The following ZFHX3 variants were observed in gnomAD, a reference collection of about 807,000 sequenced individuals.
ZFHX3 encodes zinc finger homeobox 3, also known as zinc finger homeobox protein 3.
A neutral mutation model predicts 279.1 loss-of-function variants in ZFHX3; 42 were observed. The ratio of observed to expected loss-of-function variants is 0.15; its 90% CI spans 0.12 to 0.19. The LOEUF (loss-of-function observed/expected upper bound fraction) is 0.19. Among genes scored for constraint, ZFHX3 ranks in the 10% least tolerant of loss-of-function variants. The pLI is 1.00. For missense variants in ZFHX3, 4,981 were observed against 4,754.0 expected (o/e 1.05, Z -1.40); for synonymous variants, 2,293 against 1,957.8 (o/e 1.17, Z -4.52).
At chr16:73,023,931 C>A (rs917988143) in intron 1 of ZFHX3, among the ~76,000 whole-genome samples, 1 of 152,190 alleles carries the variant, frequency 6.6e-6, no homozygotes, top group African/African-American at 2.4e-5. Flanking sequence ...GCTCCTCCCA[C>A]CCTATCTGTA....
chr16:72,992,373 C>T (rs180865334), intron 1 of ZFHX3, among the ~76,000 whole-genome samples: 1 of 152,192 alleles, frequency 6.6e-6, no homozygotes, highest in South Asian at 2.1e-4. Context: ...TCCCCTCCAA[C>T]AGCTATCACA....
intron 3 of ZFHX3, 94 bp from the exon 4 acceptor site, chr16:72,890,056 A>G: frequency 8.6e-7 from 1 of 1,169,110 alleles, no homozygotes; most frequent in Non-Finnish European, 1.2e-6. Flanking sequence ...AGCCAGAGGC[A>G]TGCCTCCAGG....
chr16:73,354,860 G>T (rs1009807966), intron 3 of ZFHX3, among the ~76,000 whole-genome samples: 1 of 152,170 alleles, frequency 6.6e-6, no homozygotes, highest in Non-Finnish European at 1.5e-5. Context: ...TGGTGAATCG[G>T]TCTTCATTTA....
chr16:73,441,379 C>G (rs891283906), intron 3 of ZFHX3, among the ~76,000 whole-genome samples: 4 of 152,160 alleles, frequency 2.6e-5, no homozygotes, highest in Admixed American at 1.3e-4. Context: ...ACATCCTGAA[C>G]TCCCTGTCAT....
At chr16:73,514,109 A>G (rs1597365745) in intron 2 of ZFHX3, among the ~76,000 whole-genome samples, 1 of 151,992 alleles carries the variant, frequency 6.6e-6, no homozygotes, top group South Asian at 2.1e-4. Context: ...TTAGCTGAAC[A>G]TGGTGGCACG....
At position 73,440,212 on chromosome 16, in the gene ZFHX3, T is replaced by G. The variant is rs1250571679; in HGVS notation, c.-1291+15791A>C. Among the ~76,000 whole-genome samples, 5 of 152,178 alleles carry G rather than the reference T, an allele frequency of 3.3e-5. No homozygotes were observed. In the South Asian group the frequency reaches 1.0e-3, roughly 32 times the overall value. On this transcript the variant is annotated intron_variant, in intron 3 of 17. Transcript: ENST00000641206. ...AGAAAGTCAATAAGACACCTCCAGT[T>G]TCCAAATTCTATCTCATTGCACATA...
At chr16:73,865,579 C>T (rs1004594760) in intron 1 of ZFHX3, among the ~76,000 whole-genome samples, 3 of 152,174 alleles carry the variant, frequency 2.0e-5, no homozygotes, top group African/African-American at 7.2e-5. Context: ...TATTTTCTTC[C>T]TCCCACTCAC....
chr16:72,891,100 G>C (rs1597351572), intron 3 of ZFHX3, among the ~76,000 whole-genome samples: 3 of 152,192 alleles, frequency 2.0e-5, no homozygotes. Flanking sequence ...CCCAAATTAG[G>C]TTTTCACCTA....
chr16:73,465,318 C>A (rs779397930), intron 2 of ZFHX3, among the ~76,000 whole-genome samples: 1 of 152,212 alleles, frequency 6.6e-6, no homozygotes, highest in Non-Finnish European at 1.5e-5. Context: ...TAAGCCAAGT[C>A]TTCAGGGCGT....
At chr16:73,625,788 T>C (rs2052409494) in intron 2 of ZFHX3, among the ~76,000 whole-genome samples, 1 of 152,218 alleles carries the variant, frequency 6.6e-6, no homozygotes, top group South Asian at 2.1e-4. Context: ...ATGTTGGTGG[T>C]CCCAGAACCA....
At chr16:73,277,486 C>T (rs2014330285) in intron 4 of ZFHX3, among the ~76,000 whole-genome samples, 1 of 152,074 alleles carries the variant, frequency 6.6e-6, no homozygotes, top group African/African-American at 2.4e-5. Context: ...TAGTATTTAT[C>T]CTCAGGGGCT....
At chr16:73,162,841 C>G (rs1384925046) in intron 5 of ZFHX3, among the ~76,000 whole-genome samples, 3 of 152,184 alleles carry the variant, frequency 2.0e-5, no homozygotes, top group Admixed American at 2.0e-4. Flanking sequence ...TTCTTCTAAA[C>G]TCAAGGATAA....
intron 3 of ZFHX3, among the ~76,000 whole-genome samples, chr16:72,912,623 G>C (rs1195371666): frequency 6.6e-6 from 1 of 152,180 alleles, no homozygotes; most frequent in Non-Finnish European, 1.5e-5. Context: ...CAGCTCCTAA[G>C]GGTTGCTGTC....
intron 4 of ZFHX3, among the ~76,000 whole-genome samples, chr16:72,865,418 G>T (rs900720008): frequency 3.9e-5 from 6 of 152,186 alleles, no homozygotes; most frequent in Admixed American, 3.9e-4. Flanking sequence ...CACCTTCATG[G>T]CGGCCCTGTG....
intron 4 of ZFHX3, among the ~76,000 whole-genome samples, chr16:73,311,973 C>T (rs895854746): frequency 1.3e-5 from 2 of 152,066 alleles, no homozygotes; most frequent in Non-Finnish European, 2.9e-5. Context: ...ACTTAGGACA[C>T]CTTAACAAAA....
chr16:72,812,192 G>T (rs75232769), intron 5 of ZFHX3, among the ~76,000 whole-genome samples, 154 bp from the exon 6 acceptor site: 2 of 152,182 alleles, frequency 1.3e-5, no homozygotes, highest in African/African-American at 4.8e-5. Flanking sequence ...GATTTATCAA[G>T]CATGTTGGAA....
rs2035943491 is a variant in ZFHX3 at position 72,797,334 on chromosome 16, G to A, written c.5348C>T (p.Thr1783Ile). Reference protein sequence around the residue: ...NPTLLPHFPMTTETLLQLQQQ... With the variant: ...NPTLLPHFPMITETLLQLQQQ... ...CTGTAGTTGCAGCAGGGTCTCAGTT[G>A]TCATGGGGAAGTGAGGAAGGAGGGT... Residue 1783 changes from threonine (T) to isoleucine (I), a missense_variant, in exon 9 of 10, where the codon ACA becomes ATA. Physicochemically the swap from Thr to Ile is moderately conservative, Grantham distance 89 (BLOSUM62 -1). Transcript: ENST00000268489. 2.5e-6 allele frequency: 4 copies of A among 1,602,312 alleles called. No individual in the cohort carries two copies. The South Asian group carries it at 3.4e-5, about 14-fold the overall frequency.
rs1356281968 is a variant in ZFHX3 at position 72,959,963 on chromosome 16, G to A, written c.183C>T (p.Leu61=). 20 of 1,609,908 alleles carry A rather than the reference G, an allele frequency of 1.2e-5. No homozygotes were observed. Among genetic ancestry groups the A allele is most frequent in the East Asian group, 8.9e-5 (4 of 44,764 alleles). The change falls in exon 2 of 10, where the codon CTC becomes CTT. Residue 61 remains leucine (L), a synonymous_variant. Coordinates refer to ENST00000268489, the MANE Select transcript of ZFHX3 (RefSeq NM_006885.4). ...DSLRAPFNER[L]AESTASAGPP... ...GCCCGGCCGACGCGGTGCTCTCCGC[G>A]AGGCGCTCATTGAAGGGGGCCCTCA...
chr16:73,118,290 C>A (rs983159502), intron 7 of ZFHX3, among the ~76,000 whole-genome samples: 1 of 152,180 alleles, frequency 6.6e-6, no homozygotes, highest in African/African-American at 2.4e-5. Flanking sequence ...CTCGCTGCAA[C>A]CTCCAACTCC....
Sources: gnomAD v4.1 joint callset for allele counts (sites outside exome capture counted in the v4.1 genomes callset) on GRCh38, gnomAD v4.1.1 for gene constraint, MANE v1.5 for transcripts, NCBI Gene and HGNC (gene_info 2026-07-23, HGNC 2026-07-21) for gene names.